Variants in POLR3A observed in about 807,000 individuals in gnomAD.
The protein encoded by POLR3A is RNA polymerase III subunit A, also known as DNA-directed RNA polymerase III subunit RPC1.
Under a neutral mutation model 152.8 loss-of-function variants are expected in POLR3A, and 112 were observed. The ratio of observed to expected loss-of-function variants is 0.73; its 90% CI spans 0.63 to 0.86. POLR3A has a LOEUF of 0.86. Among genes scored for constraint, POLR3A ranks in the 40% least tolerant of loss-of-function variants. The pLI is 0.00. For missense variants in POLR3A, 1,385 were observed against 1,743.1 expected, an observed-to-expected ratio of 0.79 and a Z score of 3.66; for synonymous variants, 615 against 652.1, an observed-to-expected ratio of 0.94 and a Z score of 0.87.
At chr10:78,017,379 C>T (rs1480540309) in intron 10 of POLR3A, among the ~76,000 whole-genome samples, 196 bp downstream of exon 10, 4 of 151,724 alleles carry the variant, frequency 2.6e-5, no homozygotes, top group Non-Finnish European at 5.9e-5. Flanking sequence ...CCTGGGAGGT[C>T]CAGGTTGCAG....
intron 11 of POLR3A, among the ~76,000 whole-genome samples, chr10:78,012,559 T>A (rs1210737077): frequency 6.6e-6 from 1 of 151,992 alleles, no homozygotes; most frequent in Non-Finnish European, 1.5e-5. Context: ...CAGTTCCTAA[T>A]ATAGGAAGCT....
Position 78,009,678 on chromosome 10 carries a change from G to A in POLR3A, c.1771-3C>T, listed in dbSNP as rs1564620061. On this transcript the variant is annotated splice_polypyrimidine_tract_variant and splice_region_variant and intron_variant, in intron 13 of 30. Transcript: ENST00000372371. The stretch of plus-strand genomic sequence containing the variant: ...TTTCCCGTCCACAGGGTGACAGGCT[G>A]AGGGGGGGAGGAAGCCTGAGAGTCA... The A allele has an allele frequency of 1.2e-6, 2 of 1,614,144 alleles. No individual in the cohort carries two copies. Among genetic ancestry groups the A allele is most frequent in the Non-Finnish European group, 1.7e-6 (2 of 1,180,038 alleles).
intron 10 of POLR3A, among the ~76,000 whole-genome samples, chr10:78,015,757 C>A (rs1040256737): frequency 6.6e-6 from 1 of 152,110 alleles, no homozygotes; most frequent in Non-Finnish European, 1.5e-5. Context: ...CCCAGGCCCA[C>A]GTGATCCTTC....
intron 30 of POLR3A, among the ~76,000 whole-genome samples, chr10:77,978,995 T>G (rs950412403): frequency 2.0e-5 from 3 of 151,924 alleles, no homozygotes; most frequent in African/African-American, 7.3e-5. Flanking sequence ...AATATTTAAA[T>G]AGACACGAGT....
At chr10:77,997,384 T>C (rs1214317711) in intron 19 of POLR3A, among the ~76,000 whole-genome samples, 2 of 152,182 alleles carry the variant, frequency 1.3e-5, no homozygotes, top group East Asian at 1.9e-4. Flanking sequence ...TGTTTGCAGA[T>C]GACATGATTG....
At chr10:78,012,470 A>C (rs1331228327) in intron 11 of POLR3A, among the ~76,000 whole-genome samples, 1 of 152,232 alleles carries the variant, frequency 6.6e-6, no homozygotes, top group African/African-American at 2.4e-5. Flanking sequence ...AGCCTAAACC[A>C]AAACAGGTTA....
Position 78,009,628 on chromosome 10 carries a change from C to T in POLR3A, c.1818G>A (p.Arg606=). 1 of 1,614,170 alleles carries T rather than the reference C, an allele frequency of 6.2e-7. No individual in the cohort carries two copies. The highest frequency in any genetic ancestry group is 8.5e-7 in the Non-Finnish European group (1 of 1,180,028). Reference sequence around the variant, plus strand: ...CCCTCACTGGATTGTCATCGCTAGGCCTGAGGATGACACTGAAGATCTGCT... The same window carrying T: ...CCCTCACTGGATTGTCATCGCTAGGTCTGAGGATGACACTGAAGATCTGCT... ...TGKQIFSVIL[R]PSDDNPVRAN... Residue 606 remains arginine (R), a synonymous_variant, in exon 14 of 31, where the codon AGG becomes AGA. Transcript: ENST00000372371.
chr10:78,011,259 G>T (rs1430381721), intron 11 of POLR3A, among the ~76,000 whole-genome samples: 1 of 152,154 alleles, frequency 6.6e-6, no homozygotes, highest in East Asian at 1.9e-4. Context: ...AATGATGACA[G>T]AACTGTTAAA....
chr10:77,991,225 T>A, intron 20 of POLR3A, 58 bp from the exon 21 acceptor site: 1 of 935,508 alleles, frequency 1.1e-6, no homozygotes, highest in Non-Finnish European at 1.8e-6. Context: ...CAGGCGGTAG[T>A]AGATGAGAGA....
chr10:78,014,379 A>T (rs1730998595), intron 10 of POLR3A, among the ~76,000 whole-genome samples: 1 of 152,154 alleles, frequency 6.6e-6, no homozygotes, highest in African/African-American at 2.4e-5. Flanking sequence ...CAAAACAAAC[A>T]AAAAACCCCA....
intron 2 of POLR3A, 31 bp from the exon 3 acceptor site, chr10:78,025,790 A>T (rs1446371015): frequency 6.2e-7 from 1 of 1,609,782 alleles, no homozygotes. Flanking sequence ...AATGATCAAC[A>T]CAGACTGCTG....
intron 14 of POLR3A, among the ~76,000 whole-genome samples, chr10:78,008,722 T>C (rs1032566493): frequency 1.3e-5 from 2 of 152,066 alleles, no homozygotes; most frequent in African/African-American, 4.8e-5. Flanking sequence ...TGTAAATCCT[T>C]TCCCTGGCTG....
intron 30 of POLR3A, among the ~76,000 whole-genome samples, chr10:77,977,858 A>G (rs1021481828): frequency 6.6e-6 from 1 of 152,062 alleles, no homozygotes; most frequent in African/African-American, 2.4e-5. Context: ...ACAGCCCAGG[A>G]GCTTGTTGGA....
chr10:78,024,838 T>A, intron 4 of POLR3A, 133 bp downstream of exon 4: 1 of 1,334,912 alleles, frequency 7.5e-7, no homozygotes, highest in South Asian at 1.2e-5. Flanking sequence ...CAATAGGACA[T>A]CAGTTGTTGG....
In POLR3A at chr10:77,992,863, T is replaced by TA. The variant is rs1003093468; in HGVS notation, c.2787+333dup. ...CCTTTTTCCTTTAAATATTGGAAAG[T>TA]AAAAAAAAAAAGCAAAACTTTTTTC... is the stretch of plus-strand genomic sequence containing the variant. On this transcript the variant is annotated intron_variant, in intron 20 of 30. Coordinates refer to ENST00000372371, the MANE Select transcript of POLR3A (RefSeq NM_007055.4). 1.7e-3 allele frequency among the ~76,000 whole-genome samples: 241 copies of TA among 143,064 alleles called. 1 individual carries two copies. Among genetic ancestry groups the TA allele is most frequent in the African/African-American group, 4.6e-3 (182 of 39,178 alleles). 93.9% of individuals were successfully genotyped at this position (143,064 alleles called of 152,430 possible).
chr10:78,019,298 C>T (rs1847555161), intron 8 of POLR3A, 33 bp from the exon 9 acceptor site: 1 of 1,314,232 alleles, frequency 7.6e-7, no homozygotes, highest in African/African-American at 1.4e-5. Context: ...TAAGTTACTC[C>T]CAGGTAACTA....
chr10:77,997,435 C>T (rs373449980), intron 19 of POLR3A, among the ~76,000 whole-genome samples: 3 of 152,168 alleles, frequency 2.0e-5, no homozygotes, highest in East Asian at 3.9e-4. Flanking sequence ...AAAATCTCCT[C>T]AAGCTGATAA....
chr10:77,984,352 G>A (rs1847177530), intron 24 of POLR3A, 54 bp from the exon 25 acceptor site: 2 of 1,014,586 alleles, frequency 2.0e-6, no homozygotes. Flanking sequence ...GGCTGTTTGA[G>A]GACTACTGCT....
chr10:77,986,257 A>G (rs1271754263), intron 21 of POLR3A, 98 bp from the exon 22 acceptor site: 4 of 783,930 alleles, frequency 5.1e-6, no homozygotes, highest in Non-Finnish European at 9.3e-6. Context: ...CAAGTCCATC[A>G]TATTTTAGTG....
Sources: allele counts gnomAD v4.1 joint callset (sites outside exome capture counted in the v4.1 genomes callset), GRCh38; gene constraint gnomAD v4.1.1; transcripts MANE v1.5; gene names NCBI Gene and HGNC (gene_info 2026-07-23, HGNC 2026-07-21).